NBPF14: variants seen among roughly 807,000 people sequenced by gnomAD.
The protein encoded by NBPF14 is NBPF member 14.
NBPF14 carries 104 observed loss-of-function variants against 91.2 expected under a neutral mutation model. That is an observed-to-expected ratio of 1.14 (90% CI 0.97 to 1.34). NBPF14 has a LOEUF of 1.34. Ranked by LOEUF, NBPF14 falls within the 40% of genes most tolerant of loss-of-function variation. The pLI is 0.00. For missense variants in NBPF14, 908 were observed against 783.0 expected (o/e 1.16, Z -1.91); for synonymous variants, 294 against 303.8 (o/e 0.97, Z 0.34).
chr1:148,533,194 C>A (rs782570112), exon 71 of NBPF14: 1 of 682,126 alleles, frequency 1.5e-6, no homozygotes, highest in Non-Finnish European at 2.2e-6. Context: ...AACATCTATC[C>A]AGTGAGTCCT....
chr1:148,589,981 C>A (rs1260533810), intron 6 of NBPF14, among the ~76,000 whole-genome samples: 1 of 146,534 alleles, frequency 6.8e-6, no homozygotes, highest in African/African-American at 2.5e-5. Context: ...TTCCGCCCAC[C>A]TCAGCCTCCC....
rs1328685570 is a variant in NBPF14, at chr1:148,575,859, C to T, written c.2079-48G>A. 9.8e-4 allele frequency: 287 copies of T among 293,720 alleles called. 1 individual carries two copies. In the East Asian group the frequency reaches 0.019, roughly 19 times the overall value. The allele number at this position is 293,720 out of a possible 1,614,324, so 18.2% of individuals were successfully genotyped here. A position where few individuals can be genotyped will look rare whatever the true frequency, so the allele number is the denominator to read the frequency against. On this transcript the variant is annotated intron_variant, in intron 16 of 70. Transcript: ENST00000619423. ...AGAATAAGCCAGGGGGAATCAGAAACCACACAGCCCCAGCTAGATTTCATG... is the reference window on the plus strand; with the variant it reads ...AGAATAAGCCAGGGGGAATCAGAAATCACACAGCCCCAGCTAGATTTCATG...
intron 8 of NBPF14, among the ~76,000 whole-genome samples, chr1:148,586,807 G>T (rs1281115736): frequency 1.0e-4 from 14 of 138,792 alleles, no homozygotes; most frequent in Non-Finnish European, 1.8e-4. Context: ...TACACATAGT[G>T]CATCTTGCGG....
At chr1:148,566,580 G>C (rs1470987227) in intron 28 of NBPF14, among the ~76,000 whole-genome samples, 55,518 of 130,440 alleles carry the variant, frequency 0.43, 14,241 homozygotes, top group East Asian at 0.65. Flanking sequence ...TCAGTGAATT[G>C]TCCAGGTGAC....
At position 148,592,691 on chromosome 1, in the gene NBPF14, A is replaced by C; in HGVS notation, c.354T>G (p.Asp118Glu). Reference sequence around the variant, plus strand: ...GATGCTCATACAATGAGCGGGAGGCATCTCTCCCTTCCCGTAACTTCTCCC... The same window carrying C: ...GATGCTCATACAATGAGCGGGAGGCCTCTCTCCCTTCCCGTAACTTCTCCC... The change falls in exon 4 of 71, where the codon GAT becomes GAG. Residue 118 changes from aspartate (D) to glutamate (E), a missense_variant. Asp to Glu is a conservative substitution (Grantham distance 45). Around this residue, in one of 13 missense-constraint regions of NBPF14, gnomAD observed 61 missense variants for 56.4 expected, o/e 1.08. Coordinates refer to ENST00000619423, the Ensembl canonical transcript of NBPF14. 4 of 1,588,462 alleles carry C rather than the reference A, an allele frequency of 2.5e-6. 1 individual carries two copies. Among genetic ancestry groups the C allele is most frequent in the Non-Finnish European group, 3.4e-6 (4 of 1,161,812 alleles).
At position 148,539,318 on chromosome 1, in the gene NBPF14, T is replaced by C. The variant is rs1655512553; in HGVS notation, c.7882+92A>G. On this transcript the variant is annotated intron_variant, in intron 63 of 70. Coordinates refer to ENST00000619423, the Ensembl canonical transcript of NBPF14. ...AGGTCCTGACTGCGGCAATGACGTC[T>C]CTCGGGTCAGTAAGGGGCACTTGGA... 4 of 606,344 alleles carry C rather than the reference T, an allele frequency of 6.6e-6. 1 individual carries two copies. The highest frequency in any genetic ancestry group is 2.1e-5 in the Admixed American group (1 of 46,930). The allele number at this position is 606,344 out of a possible 1,614,324, so 37.6% of individuals were successfully genotyped here.
At position 148,557,714 on chromosome 1, in the gene NBPF14, C is replaced by A. The variant is rs1258415050; in HGVS notation, c.4955-172G>T. Among the ~76,000 whole-genome samples, 15 of 130,282 alleles carry A rather than the reference C, an allele frequency of 1.2e-4. 4 individuals carry two copies. The East Asian group carries it at 3.3e-3, about 29-fold the overall frequency. The allele number at this position is 130,282 out of a possible 152,430, so 85.5% of individuals were successfully genotyped here. A position where few individuals can be genotyped will look rare whatever the true frequency, so the allele number is the denominator to read the frequency against. ...GCTGGTCATGATATTCCTTGCTTTGCATCTCAGAACCAAGGGTGAAATATC... is the reference window on the plus strand; with the variant it reads ...GCTGGTCATGATATTCCTTGCTTTGAATCTCAGAACCAAGGGTGAAATATC... On this transcript the variant is annotated intron_variant, in intron 39 of 70. Transcript: ENST00000619423.
chr1:148,560,284 A>C (rs1657591964), intron 36 of NBPF14, among the ~76,000 whole-genome samples: 1 of 143,040 alleles, frequency 7.0e-6, no homozygotes, highest in Admixed American at 6.8e-5. Context: ...GACACACAGC[A>C]AACTGTGATC....
intron 2 of NBPF14, among the ~76,000 whole-genome samples, chr1:148,594,165 C>T (rs1553798127): frequency 7.0e-5 from 10 of 143,236 alleles, no homozygotes; most frequent in African/African-American, 2.6e-4. Context: ...AAATATTTCA[C>T]TTTTAAATCA....
intron 70 of NBPF14, 61 bp downstream of exon 70, chr1:148,533,800 C>G (rs1207906526): frequency 5.2e-6 from 4 of 766,094 alleles, no homozygotes; most frequent in Admixed American, 3.4e-5. Context: ...TCTGGTTTCC[C>G]TGAATCTGTT....
At chr1:148,576,088 C>G (rs1317205755) in intron 16 of NBPF14, among the ~76,000 whole-genome samples, 12 of 142,384 alleles carry the variant, frequency 8.4e-5, no homozygotes, top group Non-Finnish European at 1.5e-5. Context: ...AAAGGACACT[C>G]TGAGTTAGTG....
chr1:148,534,728 T>G (rs1278815256), exon 69 of NBPF14: 2 of 833,168 alleles, frequency 2.4e-6, no homozygotes, highest in East Asian at 2.4e-5. Context: ...CTCCAATGAG[T>G]AAACAGCACT....
At position 148,576,943 on chromosome 1, in the gene NBPF14, T is replaced by A. The variant is rs1271966121; in HGVS notation, c.2026+240A>T. Among the ~76,000 whole-genome samples, 7 of 143,120 alleles carry A rather than the reference T, an allele frequency of 4.9e-5. No homozygotes were observed. The East Asian group carries it at 6.4e-4, about 13-fold the overall frequency. The allele number at this position is 143,120 out of a possible 152,430, so 93.9% of individuals were successfully genotyped here. A position where few individuals can be genotyped will look rare whatever the true frequency, so the allele number is the denominator to read the frequency against. Reference sequence around the variant, plus strand: ...TCACATCTGCCCAGGTCCAATGTCATGAGAGTAGGATTAGGGCGCCACAGG... The same window carrying A: ...TCACATCTGCCCAGGTCCAATGTCAAGAGAGTAGGATTAGGGCGCCACAGG... On this transcript the variant is annotated intron_variant, in intron 15 of 70. Transcript: ENST00000619423.
exon 28 of NBPF14, chr1:148,566,973 T>A: frequency 3.7e-6 from 1 of 271,846 alleles, no homozygotes; most frequent in Admixed American, 6.5e-5. Context: ...TGGGTCTTGG[T>A]CTTCTTCCTC....
intron 39 of NBPF14, among the ~76,000 whole-genome samples, 188 bp from the exon 40 acceptor site, chr1:148,557,730 G>T (rs1355535521): frequency 1.5e-5 from 2 of 129,036 alleles, no homozygotes; most frequent in South Asian, 5.3e-4. Context: ...AGAACCAAGG[G>T]TGAAATATCC....
chr1:148,560,146 A>T (rs1223852711), intron 36 of NBPF14, among the ~76,000 whole-genome samples, 181 bp from the exon 37 acceptor site: 1 of 151,208 alleles, frequency 6.6e-6, no homozygotes, highest in Admixed American at 6.6e-5. Context: ...AAACAATGAA[A>T]GAGAAAGACA....
intron 70 of NBPF14, 106 bp from the exon 71 acceptor site, chr1:148,533,354 G>C (rs1163969099): frequency 1.9e-6 from 1 of 513,528 alleles, no homozygotes; most frequent in Non-Finnish European, 3.3e-6. Context: ...AAAAGAAAAA[G>C]GATAGAACCA....
chr1:148,593,387 A>G (rs1351445858), intron 3 of NBPF14, among the ~76,000 whole-genome samples: 2 of 148,538 alleles, frequency 1.3e-5, no homozygotes, highest in African/African-American at 4.9e-5. Flanking sequence ...TACTTGTTTG[A>G]AAAAGAGAAA....
At chr1:148,591,232 G>A (rs1287322564) in intron 5 of NBPF14, among the ~76,000 whole-genome samples, 200 bp downstream of exon 5, 2 of 148,394 alleles carry the variant, frequency 1.3e-5, no homozygotes, top group Non-Finnish European at 3.0e-5. Flanking sequence ...AGCTATCCCT[G>A]TATGGTACAG....
Sources: gnomAD v4.1 joint callset for allele counts (sites outside exome capture counted in the v4.1 genomes callset) on GRCh38, gnomAD v4.1.1 for gene constraint, gnomAD v4.1.1 regional missense constraint, MANE v1.5 for transcripts, NCBI Gene and HGNC (gene_info 2026-07-23, HGNC 2026-07-21) for gene names.